Variants in MYH15 observed in about 807,000 individuals in gnomAD.
MYH15 encodes myosin heavy chain 15.
Under a neutral mutation model 240.5 loss-of-function variants are expected in MYH15, and 227 were observed. That is an observed-to-expected ratio of 0.94 (90% CI 0.85 to 1.05). MYH15 has a LOEUF of 1.05. Among genes scored for constraint, MYH15 ranks in the 50% least tolerant of loss-of-function variants. The pLI, the probability that MYH15 is intolerant of heterozygous loss-of-function variation, is 0.00. For synonymous variants in MYH15, 785 were observed against 796.7 expected, an observed-to-expected ratio of 0.99 and a Z score of 0.25; for missense variants, 2,217 against 2,247.5, an observed-to-expected ratio of 0.99 and a Z score of 0.27.
chr3:108,447,517 G>T (rs1172430085), intron 21 of MYH15, among the ~76,000 whole-genome samples: 2 of 151,914 alleles, frequency 1.3e-5, no homozygotes, highest in Non-Finnish European at 2.9e-5. Flanking sequence ...ACTATGAGCA[G>T]ATTTCTCAGC....
chr3:108,444,964 A>G, intron 21 of MYH15, 69 bp from the exon 22 acceptor site: 1 of 1,477,426 alleles, frequency 6.8e-7, no homozygotes. Flanking sequence ...CCAAATTAAG[A>G]TCCTCAATAA....
In MYH15 at chr3:108,463,206, T is replaced by C; in HGVS notation, c.1769A>G (p.Lys590Arg). Residue 590 changes from lysine to arginine, a missense_variant, in exon 16 of 41, where the codon AAA becomes AGA. Physicochemically the swap from Lys to Arg is conservative, Grantham distance 26. Coordinates refer to ENST00000693548, the MANE Select transcript of MYH15 (RefSeq NM_014981.3). ...TACCACTGTTTCATTAAGGAGGTCT[T>C]TGTTCTTTTCCAGCCAACCACTGAT... ...YNISGWLEKN[K>R]DLLNETVVAV... 6.2e-7 allele frequency: 1 copy of C among 1,613,278 alleles called. No homozygotes were observed. The highest frequency in any genetic ancestry group is 1.1e-5 in the South Asian group (1 of 90,860).
intron 6 of MYH15, among the ~76,000 whole-genome samples, 171 bp downstream of exon 6, chr3:108,497,881 G>A (rs997740176): frequency 2.0e-5 from 3 of 152,150 alleles, no homozygotes; most frequent in African/African-American, 7.2e-5. Context: ...TGGAGCACTT[G>A]ATGATCCTCT....
rs1355367769 is a variant in MYH15, at chr3:108,492,553, T to C, written c.818A>G (p.Glu273Gly). 1.9e-6 allele frequency: 3 copies of C among 1,613,686 alleles called. No homozygotes were observed. Among genetic ancestry groups the C allele is most frequent in the South Asian group, 1.1e-5 (1 of 91,050 alleles). The change falls in exon 9 of 41, where the codon GAG becomes GGG. Residue 273 changes from glutamate to glycine, a missense_variant. Glu to Gly is a moderately conservative substitution (Grantham distance 98, BLOSUM62 -2). Transcript: ENST00000693548. ...KSRVIFQQAG[E>G]RNYHIFYQIL... ...TTGATAGAATATGTGGTAGTTCCTC[T>C]CTCCAGCCTGCTGGAAAATCACCCT... is the stretch of plus-strand genomic sequence containing the variant.
At chr3:108,476,610 G>T (rs2083223798) in intron 11 of MYH15, 95 bp from the exon 12 acceptor site, 1 of 794,694 alleles carries the variant, frequency 1.3e-6, no homozygotes, top group Non-Finnish European at 2.2e-6. Context: ...AGGACAGAAA[G>T]ATAGTGTGTT....
At position 108,428,688 on chromosome 3, in the gene MYH15, T is replaced by C; in HGVS notation, c.3506A>G (p.Asp1169Gly). Reference protein sequence around the residue: ...QETKFQKLHRDMEEATLHFET... With the variant: ...QETKFQKLHRGMEEATLHFET... ...AAAGTGCAGAGTGGCCTCTTCCATGTCTCGGTGCAGCTTCTGGAATTTGGT... is the reference window on the plus strand; with the variant it reads ...AAAGTGCAGAGTGGCCTCTTCCATGCCTCGGTGCAGCTTCTGGAATTTGGT... The change falls in exon 27 of 41, where the codon GAC (aspartate) becomes GGC (glycine). Residue 1169 changes from aspartate (D) to glycine (G), a missense_variant. Coordinates refer to ENST00000693548, the MANE Select transcript of MYH15 (RefSeq NM_014981.3). The C allele has an allele frequency of 3.1e-6, 5 of 1,613,912 alleles. No homozygotes were observed. The highest frequency in any genetic ancestry group is 4.2e-6 in the Non-Finnish European group (5 of 1,179,992).
chr3:108,384,364 G>T (rs1333312542), intron 39 of MYH15, among the ~76,000 whole-genome samples: 2 of 152,154 alleles, frequency 1.3e-5, no homozygotes, highest in Non-Finnish European at 2.9e-5. Context: ...TGGGATGAGG[G>T]AGGCCCCAGG....
Position 108,478,616 on chromosome 3 carries a change from A to C in MYH15, c.1115-2101T>G, listed in dbSNP as rs987985186. Among the ~76,000 whole-genome samples the C allele has an allele frequency of 3.3e-5, 5 of 152,274 alleles. No homozygotes were observed. The South Asian group carries it at 1.0e-3, about 32-fold the overall frequency. ...GGGAAGAAATACAATGTGCCTGGCA[A>C]CCTGAGTGGAGATGAACAGTAACCA... On this transcript the variant is annotated intron_variant, in intron 11 of 40. Transcript: ENST00000693548.
At position 108,429,907 on chromosome 3, in the gene MYH15, A is replaced by G. The variant is rs547610342; in HGVS notation, c.3312+925T>C. Among the ~76,000 whole-genome samples, 5 of 152,324 alleles carry G rather than the reference A, an allele frequency of 3.3e-5. No individual in the cohort carries two copies. In the South Asian group the frequency reaches 8.3e-4, roughly 25 times the overall value. Reference sequence around the variant, plus strand: ...CAAGAAAATATTTATCCCAAATAATACCACCATTGAACCAAACATTTCTGA... The same window carrying G: ...CAAGAAAATATTTATCCCAAATAATGCCACCATTGAACCAAACATTTCTGA... On this transcript the variant is annotated intron_variant, in intron 26 of 40. Transcript: ENST00000693548.
chr3:108,426,170 C>G (rs970582876), intron 27 of MYH15, among the ~76,000 whole-genome samples: 1 of 150,510 alleles, frequency 6.6e-6, no homozygotes, highest in Non-Finnish European at 1.5e-5. Flanking sequence ...AATTCTCAGC[C>G]TGGCCAGATT....
the MYH15 span, among the ~76,000 whole-genome samples, chr3:108,549,237 T>G: frequency 6.6e-6 from 1 of 152,000 alleles, no homozygotes; most frequent in African/African-American, 2.4e-5. Context: ...ATTAAATTTT[T>G]TTTTTTAGAA....
rs983173688 is a variant in MYH15, at chr3:108,401,159, C to T, written c.4737-1892G>A. Among the ~76,000 whole-genome samples the T allele has an allele frequency of 3.3e-5, 5 of 152,026 alleles. No homozygotes were observed. The South Asian group carries it at 8.3e-4, about 25-fold the overall frequency. ...GACTTTTAGGAACTGCATTATGTCC[C>T]CACCAAAATTTACACGTTCTTGCCG... On this transcript the variant is annotated intron_variant, in intron 33 of 40. Coordinates refer to ENST00000693548, the MANE Select transcript of MYH15 (RefSeq NM_014981.3).
intron 31 of MYH15, 44 bp from the exon 32 acceptor site, chr3:108,408,448 GT>G: frequency 6.4e-7 from 1 of 1,565,038 alleles, no homozygotes; most frequent in Non-Finnish European, 8.6e-7. Flanking sequence ...AATGGGCTCA[GT>G]CTCAAACCAA....
At chr3:108,439,054 A>G (rs967827108) in intron 24 of MYH15, among the ~76,000 whole-genome samples, 1 of 122,964 alleles carries the variant, frequency 8.1e-6, no homozygotes, top group Non-Finnish European at 1.7e-5. Flanking sequence ...AGATAAGAAG[A>G]AAAAAAAAAA....
At chr3:108,507,658 T>C (rs925566605) in intron 1 of MYH15, among the ~76,000 whole-genome samples, 1 of 152,202 alleles carries the variant, frequency 6.6e-6, no homozygotes. Flanking sequence ...TTGCTATCAG[T>C]GCTGCCTTCT....
In MYH15 at chr3:108,383,743, A is replaced by AT. The variant is rs1560300953; in HGVS notation, c.5632-15_5632-14insA. Reference sequence around the variant, plus strand: ...GGCTTGTGTTTCCTATAAAAATAAAAAAAAAAAAAAAGAAATCTCCATGCC... The same window carrying AT: ...GGCTTGTGTTTCCTATAAAAATAAAATAAAAAAAAAAAGAAATCTCCATGCC... On this transcript the variant is annotated splice_polypyrimidine_tract_variant and intron_variant, in intron 39 of 40. Coordinates refer to ENST00000693548, the MANE Select transcript of MYH15 (RefSeq NM_014981.3). The AT allele has an allele frequency of 9.1e-6, 14 of 1,530,156 alleles. No individual in the cohort carries two copies. The highest frequency in any genetic ancestry group is 1.3e-5 in the South Asian group (1 of 79,526). 94.8% of individuals were successfully genotyped at this position (1,530,156 alleles called of 1,614,324 possible).
intron 25 of MYH15, among the ~76,000 whole-genome samples, chr3:108,437,159 G>A (rs7639652): frequency 0.86 from 129,257 of 150,736 alleles, 55,545 homozygotes; most frequent in African/African-American, 0.88. Context: ...AGTAATCTGA[G>A]TATGTAAGTC....
At position 108,416,856 on chromosome 3, in the gene MYH15, G is replaced by A. The variant is rs374236023; in HGVS notation, c.3904C>T (p.Arg1302Trp). The A allele has an allele frequency of 7.0e-5, 113 of 1,613,950 alleles. 2 individuals carry two copies. The highest frequency in any genetic ancestry group is 4.0e-4 in the Admixed American group (24 of 60,008). The change falls in exon 29 of 41, where the codon CGG (arginine) becomes TGG (tryptophan). Residue 1302 changes from arginine (R) to tryptophan (W), a missense_variant. Physicochemically the swap from Arg to Trp is moderately radical, Grantham distance 101 (BLOSUM62 -3). Coordinates refer to ENST00000693548, the MANE Select transcript of MYH15 (RefSeq NM_014981.3). ...TGCCCTCTCAGGTCTTCAATCTGCC[G>A]AGTGAAGTTGCTCTTTTCCCTGGAA... ...QLSREKSNFT[R>W]QIEDLRGQLE...
At chr3:108,513,638 A>G (rs147081858), upstream of MYH15, among the ~76,000 whole-genome samples, 519 of 152,304 alleles carry the variant, frequency 3.4e-3, 5 homozygotes, top group African/African-American at 0.012. Flanking sequence ...TTAAATCAGG[A>G]CAACAAACTT....
Sources: gnomAD v4.1 joint callset for allele counts (sites outside exome capture counted in the v4.1 genomes callset) on GRCh38, gnomAD v4.1.1 for gene constraint, MANE v1.5 for transcripts, NCBI Gene and HGNC (gene_info 2026-07-23, HGNC 2026-07-21) for gene names.